Variants in MTHFD2L observed in about 807,000 individuals in gnomAD.
MTHFD2L encodes the protein methylenetetrahydrofolate dehydrogenase (NADP+ dependent) 2 like, also known as bifunctional methylenetetrahydrofolate dehydrogenase/cyclohydrolase 2, mitochondrial.
Under a neutral mutation model 34.9 loss-of-function variants are expected in MTHFD2L, and 29 were observed. That is an observed-to-expected ratio of 0.83 (90% CI 0.62 to 1.13). MTHFD2L has a LOEUF of 1.13. Among genes scored for constraint, MTHFD2L ranks in the 50% most tolerant of loss-of-function variants. The pLI is 0.00. For synonymous variants in MTHFD2L, 167 were observed against 155.7 expected (o/e 1.07, Z -0.54); for missense variants, 481 against 446.5 (o/e 1.08, Z -0.70).
At chr4:74,275,124 G>A (rs966938741) in intron 6 of MTHFD2L, among the ~76,000 whole-genome samples, 6 of 152,012 alleles carry the variant, frequency 3.9e-5, no homozygotes, top group Admixed American at 1.3e-4. Context: ...AGGCCCCAAT[G>A]TCTGTTGTTG....
In MTHFD2L at chr4:74,170,251, A is replaced by G. The variant is rs150990020; in HGVS notation, c.144-4255A>G. Among the ~76,000 whole-genome samples the G allele has an allele frequency of 3.2e-3, 490 of 152,350 alleles. 1 individual carries two copies. Among genetic ancestry groups the G allele is most frequent in the Middle Eastern group, 6.8e-3 (2 of 294 alleles). Reference sequence around the variant, plus strand: ...AACAAAATTTCAGATGAAATCCATGATAGTCTGGAAAGGATAGATACATAA... The same window carrying G: ...AACAAAATTTCAGATGAAATCCATGGTAGTCTGGAAAGGATAGATACATAA... On this transcript the variant is annotated intron_variant, in intron 1 of 7. Coordinates refer to ENST00000325278, the MANE Select transcript of MTHFD2L (RefSeq NM_001144978.3).
At chr4:74,234,599 GC>G (rs1441094345) in intron 6 of MTHFD2L, among the ~76,000 whole-genome samples, 10 of 151,790 alleles carry the variant, frequency 6.6e-5, no homozygotes, top group South Asian at 2.1e-4. Flanking sequence ...CACTAATTTT[GC>G]CACTGGTACA....
intron 1 of MTHFD2L, chr4:74,159,924 T>C: frequency 3.0e-6 from 1 of 338,868 alleles, no homozygotes; most frequent in Non-Finnish European, 4.8e-6. Context: ...GACGCCCTCT[T>C]TGTACTGAAT....
chr4:74,229,962 C>T (rs1006878408), intron 6 of MTHFD2L, among the ~76,000 whole-genome samples: 2 of 152,058 alleles, frequency 1.3e-5, no homozygotes, highest in African/African-American at 4.8e-5. Context: ...TTTTTTTAAG[C>T]TTGCTAGGTA....
chr4:74,153,760 A>G (rs1157189011), upstream of MTHFD2L, among the ~76,000 whole-genome samples: 3 of 152,220 alleles, frequency 2.0e-5, no homozygotes, highest in Non-Finnish European at 4.4e-5. Flanking sequence ...TTTAAAAAAT[A>G]GACTTTATTT....
chr4:74,192,078 A>G (rs1732634220), intron 3 of MTHFD2L, among the ~76,000 whole-genome samples: 1 of 152,158 alleles, frequency 6.6e-6, no homozygotes, highest in Non-Finnish European at 1.5e-5. Context: ...AGTGAAAAAG[A>G]AAAAGACAGA....
At chr4:74,163,548 G>A (rs1156923098) in intron 1 of MTHFD2L, among the ~76,000 whole-genome samples, 2 of 152,214 alleles carry the variant, frequency 1.3e-5, no homozygotes, top group Non-Finnish European at 2.9e-5. Flanking sequence ...TTATTGATTT[G>A]CAGATGTAAT....
intron 6 of MTHFD2L, among the ~76,000 whole-genome samples, chr4:74,271,379 T>C (rs1481392502): frequency 6.6e-6 from 1 of 152,236 alleles, no homozygotes; most frequent in Non-Finnish European, 1.5e-5. Flanking sequence ...AGTTTCAGCT[T>C]TCTACATATG....
intron 1 of MTHFD2L, among the ~76,000 whole-genome samples, chr4:74,130,934 T>C (rs1421428849): frequency 1.8e-4 from 27 of 152,224 alleles, no homozygotes; most frequent in Non-Finnish European, 8.8e-5. Flanking sequence ...AGCATTCCTA[T>C]ACACCAATAA....
intron 6 of MTHFD2L, among the ~76,000 whole-genome samples, chr4:74,255,098 G>A (rs976442628): frequency 2.6e-5 from 3 of 116,328 alleles, no homozygotes; most frequent in Non-Finnish European, 4.8e-5. Flanking sequence ...TCATGTCATT[G>A]CACTCTACCC....
At chr4:74,141,781 G>A (rs1475578340) in intron 1 of MTHFD2L, among the ~76,000 whole-genome samples, 2 of 152,144 alleles carry the variant, frequency 1.3e-5, no homozygotes, top group Non-Finnish European at 2.9e-5. Context: ...ATTTCATGGA[G>A]CAGAAGGAAA....
chr4:74,170,742 C>T (rs185687194), intron 1 of MTHFD2L, among the ~76,000 whole-genome samples: 199 of 151,746 alleles, frequency 1.3e-3, no homozygotes, highest in Middle Eastern at 6.8e-3. Context: ...TGTCCAACAA[C>T]GAAAGACTGG....
chr4:74,232,116 A>G (rs1740157174), intron 6 of MTHFD2L, among the ~76,000 whole-genome samples: 1 of 152,230 alleles, frequency 6.6e-6, no homozygotes, highest in South Asian at 2.1e-4. Context: ...CTAAAAGAAT[A>G]TACTTCTTGG....
intron 3 of MTHFD2L, 80 bp from the exon 4 acceptor site, chr4:74,199,714 T>C (rs1462717644): frequency 1.6e-6 from 2 of 1,226,138 alleles, no homozygotes; most frequent in African/African-American, 3.1e-5. Context: ...GTGATGTGGC[T>C]TTAGATTCTC....
intron 6 of MTHFD2L, among the ~76,000 whole-genome samples, chr4:74,278,031 A>G (rs1346441745): frequency 6.6e-6 from 1 of 151,160 alleles, no homozygotes; most frequent in African/African-American, 2.4e-5. Context: ...TTCTTGCTAC[A>G]AAAAAAAATA....
chr4:74,266,152 C>T (rs1745259041), intron 6 of MTHFD2L, among the ~76,000 whole-genome samples: 1 of 152,192 alleles, frequency 6.6e-6, no homozygotes, highest in East Asian at 1.9e-4. Flanking sequence ...GTTACTGGAA[C>T]ATAGCAGAAA....
upstream of MTHFD2L, chr4:74,157,843 C>A: frequency 1.7e-6 from 1 of 594,752 alleles, no homozygotes. Context: ...GGAATGCCAG[C>A]TATATGTTGG....
At chr4:74,228,224 G>C (rs370380756) in intron 6 of MTHFD2L, among the ~76,000 whole-genome samples, 1 of 152,168 alleles carries the variant, frequency 6.6e-6, no homozygotes, top group Non-Finnish European at 1.5e-5. Context: ...AGCATTAAGT[G>C]AAATACTGCT....
intron 6 of MTHFD2L, among the ~76,000 whole-genome samples, chr4:74,276,730 G>C (rs1321179350): frequency 1.3e-5 from 2 of 152,026 alleles, no homozygotes; most frequent in Non-Finnish European, 2.9e-5. Context: ...ATATGCTTCC[G>C]ATCATTTGCC....
Sources: gnomAD v4.1 joint callset for allele counts (sites outside exome capture counted in the v4.1 genomes callset) on GRCh38, gnomAD v4.1.1 for gene constraint, MANE v1.5 for transcripts, NCBI Gene and HGNC (gene_info 2026-07-23, HGNC 2026-07-21) for gene names.